MYO1G: variants seen among roughly 807,000 people sequenced by gnomAD.
MYO1G encodes unconventional myosin-Ig.
In MYO1G, 65 loss-of-function variants were observed where a neutral mutation model predicts 115.3. The observed-to-expected ratio is 0.56, with a 90% CI of 0.46 to 0.69. The LOEUF (loss-of-function observed/expected upper bound fraction) is 0.69, where lower values mean the gene tolerates loss of function less well. MYO1G is among the 30% of genes least tolerant of loss of function. MYO1G has a pLI of 0.00. For missense variants in MYO1G, 1,204 were observed against 1,393.5 expected, an observed-to-expected ratio of 0.86 and a Z score of 2.16; for synonymous variants, 510 against 552.6, an observed-to-expected ratio of 0.92 and a Z score of 1.08.
chr7:44,964,553 G>A lies in MYO1G; in HGVS notation c.2527-34C>T. On this transcript the variant is annotated intron_variant, in intron 18 of 21. Coordinates refer to ENST00000258787, the MANE Select transcript of MYO1G (RefSeq NM_033054.3). The surrounding 1 kb of genome is among the most constrained non-coding windows in gnomAD (Gnocchi z 5.1). ...AGATGGAGGGGAGGGGGCGCTGCTT[G>A]GGATTGAGTCATGGGACCAGACTCA... The A allele has an allele frequency of 6.5e-7, 1 of 1,544,650 alleles. No individual in the cohort carries two copies. The highest frequency in any genetic ancestry group is 8.9e-7 in the Non-Finnish European group (1 of 1,117,430).
chr7:44,973,264 G>C (rs995739614), intron 5 of MYO1G: 14 of 151,412 alleles, frequency 9.2e-5, no homozygotes, highest in African/African-American at 3.4e-4. Flanking sequence ...CTCCACTTCA[G>C]CGGGAGCTCA....
chr7:44,966,150 G>A lies in MYO1G; in HGVS notation c.2080C>T (p.Arg694Cys), dbSNP rs576689841. 25 of 1,613,086 alleles carry A rather than the reference G, an allele frequency of 1.5e-5. No homozygotes were observed. Among genetic ancestry groups the A allele is most frequent in the South Asian group, 3.3e-5 (3 of 91,056 alleles). Residue 694 changes from arginine to cysteine, a missense_variant, in exon 16 of 22, where the codon CGC becomes TGC. Arg to Cys is a radical substitution (Grantham distance 180). Coordinates refer to ENST00000258787, the MANE Select transcript of MYO1G (RefSeq NM_033054.3). The surrounding 1 kb of genome is among the most constrained non-coding windows in gnomAD (Gnocchi z 5.0). Reference protein sequence around the residue: ...VAFGHSKLFIRSPRTLVTLEQ... With the variant: ...VAFGHSKLFICSPRTLVTLEQ... ...AGTGTGACCAGTGTCCGGGGTGAGC[G>A]GATGAACAGCTTGCTGTGGCCAAAG...
At position 44,963,188 on chromosome 7, in the gene MYO1G, C is replaced by A. The variant is rs1293467932; in HGVS notation, c.2746-64G>T. 7 of 1,378,550 alleles carry A rather than the reference C, an allele frequency of 5.1e-6. No homozygotes were observed. The African/African-American group carries it at 6.1e-5, about 12-fold the overall frequency. The allele number at this position is 1,378,550 out of a possible 1,614,324, so 85.4% of individuals were successfully genotyped here. ...CCGCACCCCAGCCTAGCCGGACTCA[C>A]CCCCTCCCCAGGAAGCCTCTGCCGA... On this transcript the variant is annotated intron_variant, in intron 20 of 21. Coordinates refer to ENST00000258787, the MANE Select transcript of MYO1G (RefSeq NM_033054.3). The surrounding 1 kb of genome is among the most constrained non-coding windows in gnomAD (Gnocchi z 4.1).
At chr7:44,971,125 C>A (rs973125239) in intron 7 of MYO1G, 66 bp from the exon 8 acceptor site, 4 of 1,435,212 alleles carry the variant, frequency 2.8e-6, no homozygotes, top group Non-Finnish European at 3.8e-6. Flanking sequence ...CAACTTTGGA[C>A]AAGAAGGAGG....
Position 44,966,491 on chromosome 7 carries a change from C to G in MYO1G, c.1949+181G>C, listed in dbSNP as rs752061729. The G allele has an allele frequency of 2.3e-6, 2 of 855,250 alleles. No homozygotes were observed. The highest frequency in any genetic ancestry group is 2.8e-5 in the South Asian group (2 of 70,226). 53.0% of individuals were successfully genotyped at this position (855,250 alleles called of 1,614,324 possible). On this transcript the variant is annotated intron_variant, in intron 15 of 21. Coordinates refer to ENST00000258787, the MANE Select transcript of MYO1G (RefSeq NM_033054.3). This position sits in a 1 kb window ranked among gnomAD's most constrained non-coding sequence, Gnocchi z 5.0. Reference sequence around the variant, plus strand: ...TACCCATGTTCCCACCTGTATGTCCCCACATGCATGTGCTCACACACATGT... The same window carrying G: ...TACCCATGTTCCCACCTGTATGTCCGCACATGCATGTGCTCACACACATGT...
chr7:44,964,522 G>A lies in MYO1G; in HGVS notation c.2527-3C>T. 1.2e-6 allele frequency: 2 copies of A among 1,612,164 alleles called. No individual in the cohort carries two copies. The highest frequency in any genetic ancestry group is 1.7e-6 in the Non-Finnish European group (2 of 1,178,336). On this transcript the variant is annotated splice_region_variant and splice_polypyrimidine_tract_variant and intron_variant, in intron 18 of 21. Coordinates refer to ENST00000258787, the MANE Select transcript of MYO1G (RefSeq NM_033054.3). This position sits in a 1 kb window ranked among gnomAD's most constrained non-coding sequence, Gnocchi z 5.1. ...GATGCTGTGGGATTGTCAGTGGCCT[G>A]AGGACAGATGGAGGGGAGGGGGCGC...
At chr7:44,975,788 C>G (rs1055717047) in intron 3 of MYO1G, 139 bp from the exon 4 acceptor site, 11 of 955,248 alleles carry the variant, frequency 1.2e-5, no homozygotes, top group Middle Eastern at 3.2e-4. Flanking sequence ...GAACCAATGG[C>G]CTGGCCTCGC....
Position 44,967,687 on chromosome 7 carries a change from G to A in MYO1G, c.1700C>T (p.Thr567Ile), listed in dbSNP as rs772326969. 5.0e-6 allele frequency: 8 copies of A among 1,613,750 alleles called. No individual in the cohort carries two copies. The South Asian group carries it at 5.5e-5, about 11-fold the overall frequency. ...CGTCAGGGGGCGCTTGGTCACCTCT[G>A]TGATGTCCTGCTGCCCGTCCGGCCA... ...AMWPDGQQDI[T>I]EVTKRPLTAG... The change falls in exon 14 of 22, where the codon ACA (threonine) becomes ATA (isoleucine). Residue 567 changes from threonine to isoleucine, a missense_variant. By Grantham distance (89) the Thr-to-Ile change is moderately conservative. Transcript: ENST00000258787.
intron 7 of MYO1G, 51 bp downstream of exon 7, chr7:44,971,622 A>G (rs78679712): frequency 0.073 from 101,878 of 1,391,344 alleles, 7,335 homozygotes; most frequent in African/African-American, 0.31. Flanking sequence ...CTTCCCAGCC[A>G]GGAAACCCTT....
intron 1 of MYO1G, among the ~76,000 whole-genome samples, chr7:44,978,436 G>A (rs541789069): frequency 2.6e-5 from 4 of 152,356 alleles, no homozygotes; most frequent in African/African-American, 9.6e-5. Flanking sequence ...AGGCCCCATG[G>A]ATGAGATGCA....
rs749187859 is a variant in MYO1G at position 44,965,651 on chromosome 7, G to A, written c.2367C>T (p.His789=). 1.2e-5 allele frequency: 19 copies of A among 1,613,320 alleles called. No individual in the cohort carries two copies. Among genetic ancestry groups the A allele is most frequent in the Admixed American group, 5.0e-5 (3 of 59,990 alleles). ...GAGAGTAGTACCTGCAGAAGAGTGC[G>A]TGGCAGGTGTCCTGGAAGGGCTGCA... The part of the protein sequence containing the change: ...AVLQPFQDTC[H]ALFCRWRARQ... Residue 789 remains histidine (H), a synonymous_variant, in exon 17 of 22, where the codon CAC becomes CAT. Coordinates refer to ENST00000258787, the MANE Select transcript of MYO1G (RefSeq NM_033054.3).
rs775608681 is a variant in MYO1G, at chr7:44,966,022, CA to C, written c.2157+50del. ...AAGTGTGTTTGTGGCCCCTGGGACA[CA>C]AGCTTTCCCCACCTCCATAGTGGAT... is the stretch of plus-strand genomic sequence containing the variant. On this transcript the variant is annotated intron_variant, in intron 16 of 21. Transcript: ENST00000258787. The surrounding 1 kb of genome is among the most constrained non-coding windows in gnomAD (Gnocchi z 5.0). The C allele has an allele frequency of 6.3e-6, 10 of 1,593,966 alleles. No homozygotes were observed. The highest frequency in any genetic ancestry group is 6.8e-6 in the Non-Finnish European group (8 of 1,171,936).
Position 44,976,829 on chromosome 7 carries a change from C to T in MYO1G, c.304+34G>A, listed in dbSNP as rs747974103. The stretch of plus-strand genomic sequence containing the variant: ...TCCCAAATGTTCACAAATGAAGATG[C>T]CGAGGGTGGGGGCCCGGCGGCAGGG... On this transcript the variant is annotated intron_variant, in intron 2 of 21. Coordinates refer to ENST00000258787, the MANE Select transcript of MYO1G (RefSeq NM_033054.3). 2.5e-6 allele frequency: 4 copies of T among 1,608,390 alleles called. No homozygotes were observed. The South Asian group carries it at 3.3e-5, about 13-fold the overall frequency.
intron 1 of MYO1G, among the ~76,000 whole-genome samples, chr7:44,977,348 A>G (rs543145928): frequency 6.6e-6 from 1 of 152,314 alleles, no homozygotes; most frequent in East Asian, 1.9e-4. Context: ...AAACATGACC[A>G]CTCATTTTGC....
At position 44,966,700 on chromosome 7, in the gene MYO1G, G is replaced by A. The variant is rs769943053; in HGVS notation, c.1921C>T (p.Arg641Cys). Residue 641 changes from arginine (R) to cysteine (C), a missense_variant, in exon 15 of 22, where the codon CGC becomes TGC. Arg to Cys is a radical substitution (Grantham distance 180). Transcript: ENST00000258787. The surrounding 1 kb of genome is among the most constrained non-coding windows in gnomAD (Gnocchi z 5.0). ...VRVRRAGFAS[R>C]QPYSRFLLRY... ...AGCAGGAATCGAGAGTAGGGCTGGC[G>A]GGAAGCGAAGCCAGCCCTGCGGACC... 4 of 1,613,210 alleles carry A rather than the reference G, an allele frequency of 2.5e-6. No homozygotes were observed. Among genetic ancestry groups the A allele is most frequent in the Non-Finnish European group, 3.4e-6 (4 of 1,180,004 alleles).
At position 44,965,530 on chromosome 7, in the gene MYO1G, A is replaced by T. The variant is rs1219865224; in HGVS notation, c.2381+107T>A. ...ATAGCATCCACCTTCCCACCTATCA[A>T]GGGGGCTGGTGTATCTCCCATCCAG... On this transcript the variant is annotated intron_variant, in intron 17 of 21. Coordinates refer to ENST00000258787, the MANE Select transcript of MYO1G (RefSeq NM_033054.3). 33 of 1,055,482 alleles carry T rather than the reference A, an allele frequency of 3.1e-5. No individual in the cohort carries two copies. In the Admixed American group the frequency reaches 6.4e-4, roughly 20 times the overall value. 65.4% of individuals were successfully genotyped at this position (1,055,482 alleles called of 1,614,324 possible).
Position 44,969,963 on chromosome 7 carries a change from C to T in MYO1G, c.1332+77G>A, listed in dbSNP as rs1017874654. On this transcript the variant is annotated intron_variant, in intron 10 of 21. Transcript: ENST00000258787. The surrounding 1 kb of genome is among the most constrained non-coding windows in gnomAD (Gnocchi z 5.0). ...CCCCACACTCAGCCACCTGTCAGGC[C>T]AGCCCGGGCCCCTCCCCATGGGCTG... is the stretch of plus-strand genomic sequence containing the variant. 3.1e-6 allele frequency: 5 copies of T among 1,590,744 alleles called. No homozygotes were observed. In the African/African-American group the frequency reaches 5.4e-5, roughly 17 times the overall value.
Position 44,966,294 on chromosome 7 carries a change from A to G in MYO1G, c.1950-14T>C, listed in dbSNP as rs1451498183. 1 of 1,588,016 alleles carries G rather than the reference A, an allele frequency of 6.3e-7. No homozygotes were observed. Among genetic ancestry groups the G allele is most frequent in the South Asian group, 1.1e-5 (1 of 88,464 alleles). On this transcript the variant is annotated splice_polypyrimidine_tract_variant and intron_variant, in intron 15 of 21. Coordinates refer to ENST00000258787, the MANE Select transcript of MYO1G (RefSeq NM_033054.3). This position sits in a 1 kb window ranked among gnomAD's most constrained non-coding sequence, Gnocchi z 5.0. Reference sequence around the variant, plus strand: ...GTCATCTTGTACCTGTCACCACAGGACAGGGCAGTGTGGCCCAGGCCTGGG... The same window carrying G: ...GTCATCTTGTACCTGTCACCACAGGGCAGGGCAGTGTGGCCCAGGCCTGGG...
chr7:44,970,622 A>T lies in MYO1G; in HGVS notation c.1187T>A (p.Ile396Asn), dbSNP rs1335619193. 2 of 1,613,652 alleles carry T rather than the reference A, an allele frequency of 1.2e-6. No individual in the cohort carries two copies. Among genetic ancestry groups the T allele is most frequent in the Non-Finnish European group, 8.5e-7 (1 of 1,180,018 alleles). The stretch of plus-strand genomic sequence containing the variant: ...GACGGGAAACACCTCGAAGCCATAG[A>T]TGTCCAGCACGCCAATGACTGTGTC... ...GKDTVIGVLD[I>N]YGFEVFPVNS... Residue 396 changes from isoleucine (I) to asparagine (N), a missense_variant, in exon 9 of 22, where the codon ATC becomes AAC. Transcript: ENST00000258787.
Sources: gnomAD v4.1 joint callset for allele counts (sites outside exome capture counted in the v4.1 genomes callset) on GRCh38, gnomAD v4.1.1 for gene constraint, Gnocchi (gnomAD v3.1) non-coding constraint, MANE v1.5 for transcripts, NCBI Gene and HGNC (gene_info 2026-07-23, HGNC 2026-07-21) for gene names.